CERT1: variants seen among roughly 807,000 people sequenced by gnomAD.
CERT1 encodes the protein ceramide transporter 1.
In CERT1, 31 loss-of-function variants were observed where a neutral mutation model predicts 87.9. The observed-to-expected ratio is 0.35, with a 90% confidence interval of 0.27 to 0.48. CERT1 has a LOEUF of 0.48. Among genes scored for constraint, CERT1 ranks in the 20% least tolerant of loss-of-function variants. The probability of loss-of-function intolerance (pLI) is 0.99; values close to 1 mark genes in which losing one functional copy is unlikely to be tolerated. For synonymous variants in CERT1, 289 were observed against 250.9 expected, an observed-to-expected ratio of 1.15 and a Z score of -1.44; for missense variants, 487 against 758.0, an observed-to-expected ratio of 0.64 and a Z score of 4.20.
intron 2 of CERT1, among the ~76,000 whole-genome samples, chr5:75,462,720 A>G (rs1361311535): frequency 6.6e-6 from 1 of 152,142 alleles, no homozygotes; most frequent in African/African-American, 2.4e-5. Context: ...TTAAAAAGTC[A>G]TGGATGGCCC....
chr5:75,424,509 T>C (rs1580750762), intron 5 of CERT1, among the ~76,000 whole-genome samples: 1 of 150,524 alleles, frequency 6.6e-6, no homozygotes, highest in Admixed American at 6.6e-5. Flanking sequence ...GAGCCGGAGG[T>C]TGCAGCGAGC....
At chr5:75,478,908 CTA>C (rs1491464698) in intron 2 of CERT1, among the ~76,000 whole-genome samples, 1 of 10,782 alleles carries the variant, frequency 9.3e-5, no homozygotes, top group Admixed American at 1.4e-3. Flanking sequence ...AAAGTAAGTA[CTA>C]AAAAAAAAAA....
At chr5:75,417,883 G>A (rs560786803) in intron 6 of CERT1, among the ~76,000 whole-genome samples, 57 of 152,346 alleles carry the variant, frequency 3.7e-4, no homozygotes, top group African/African-American at 1.2e-3. Context: ...CTGGCTGGGC[G>A]CGGTGGCTCA....
chr5:75,473,756 T>C (rs1765821520), intron 2 of CERT1, among the ~76,000 whole-genome samples: 1 of 152,202 alleles, frequency 6.6e-6, no homozygotes, highest in Non-Finnish European at 1.5e-5. Flanking sequence ...ATGATAACTA[T>C]GTGAGGTAAT....
intron 3 of CERT1, among the ~76,000 whole-genome samples, chr5:75,427,724 T>C (rs948635618): frequency 6.6e-6 from 1 of 152,248 alleles, no homozygotes; most frequent in Non-Finnish European, 1.5e-5. Context: ...CTCTGTACTA[T>C]TATGGTTCTA....
At position 75,440,504 on chromosome 5, in the gene CERT1, C is replaced by G. The variant is rs147022220; in HGVS notation, c.349-14026G>C. ...TAAAAACTAATATCAAATATAGCAA[C>G]TCATTTGAAGGTCATTTATGGGAGC... On this transcript the variant is annotated intron_variant, in intron 3 of 16. Transcript: ENST00000643780. 1.4e-3 allele frequency among the ~76,000 whole-genome samples: 209 copies of G among 152,160 alleles called. 2 individuals carry two copies. The highest frequency in any genetic ancestry group is 4.8e-3 in the African/African-American group (199 of 41,546).
chr5:75,447,850 A>T (rs1334680698), intron 3 of CERT1, among the ~76,000 whole-genome samples: 1 of 151,860 alleles, frequency 6.6e-6, no homozygotes, highest in African/African-American at 2.4e-5. Flanking sequence ...ATCATAGCTC[A>T]CTGTAGCCTC....
chr5:75,444,731 G>C (rs1414268703), intron 3 of CERT1, among the ~76,000 whole-genome samples: 1 of 151,890 alleles, frequency 6.6e-6, no homozygotes, highest in Admixed American at 6.6e-5. Flanking sequence ...ATTTTTAGTA[G>C]AGACTGGGTT....
At chr5:75,377,135 T>C (rs886320958), downstream of CERT1, 1 of 152,224 alleles carries the variant, frequency 6.6e-6, no homozygotes. Context: ...AGATTCTCAA[T>C]GGACTAAAGC....
chr5:75,398,719 A>G (rs1762353404), intron 11 of CERT1, among the ~76,000 whole-genome samples: 1 of 152,228 alleles, frequency 6.6e-6, no homozygotes. Flanking sequence ...CCTGTCTTAA[A>G]TTCCTAAACC....
intron 11 of CERT1, among the ~76,000 whole-genome samples, chr5:75,391,142 A>C (rs1762015577): frequency 6.6e-6 from 1 of 152,154 alleles, no homozygotes; most frequent in Non-Finnish European, 1.5e-5. Context: ...TTTTTTGTAG[A>C]GACAGGGTCT....
Position 75,511,163 on chromosome 5 carries a change from A to C in CERT1, c.45T>G (p.Asp15Glu). ...CAGGCGGCCCAGACTCCGTCTCTGGATCCTCCTCCGAGCCCGACGAGTTCC... is the reference window on the plus strand; with the variant it reads ...CAGGCGGCCCAGACTCCGTCTCTGGCTCCTCCTCCGAGCCCGACGAGTTCC... The part of the protein sequence containing the change: ...QSWNSSGSEE[D>E]PETESGPPVE... The change falls in exon 1 of 17, where the codon GAT (aspartate) becomes GAG (glutamate). Residue 15 changes from aspartate to glutamate, a missense_variant. Asp to Glu is a conservative substitution (Grantham distance 45, BLOSUM62 2). Around this residue, in one of 8 missense-constraint regions of CERT1, gnomAD observed 173 missense variants for 302.2 expected, o/e 0.57. Transcript: ENST00000643780. The C allele has an allele frequency of 6.2e-7, 1 of 1,611,872 alleles. No individual in the cohort carries two copies. Among genetic ancestry groups the C allele is most frequent in the Non-Finnish European group, 8.5e-7 (1 of 1,179,252 alleles).
intron 5 of CERT1, among the ~76,000 whole-genome samples, chr5:75,423,611 T>C (rs982452787): frequency 2.0e-5 from 3 of 152,130 alleles, no homozygotes; most frequent in Non-Finnish European, 4.4e-5. Context: ...TATGACGGTG[T>C]ATGCCTGTAG....
At chr5:75,451,024 T>A (rs965270723) in intron 3 of CERT1, among the ~76,000 whole-genome samples, 4 of 152,170 alleles carry the variant, frequency 2.6e-5, no homozygotes, top group Non-Finnish European at 5.9e-5. Context: ...CAGGAAAAAC[T>A]GACAAATATG....
chr5:75,460,861 G>C (rs192792755), intron 2 of CERT1, among the ~76,000 whole-genome samples: 135 of 152,226 alleles, frequency 8.9e-4, no homozygotes, highest in Middle Eastern at 3.4e-3. Flanking sequence ...ACTGATTAAA[G>C]GATTCAAGTT....
chr5:75,380,849 C>T (rs950990283), intron 16 of CERT1, among the ~76,000 whole-genome samples: 1 of 151,494 alleles, frequency 6.6e-6, no homozygotes, highest in African/African-American at 2.4e-5. Flanking sequence ...TTTTCCTATC[C>T]AGCTCTAGCT....
chr5:75,427,393 G>A (rs535727650), intron 3 of CERT1, among the ~76,000 whole-genome samples: 1 of 152,250 alleles, frequency 6.6e-6, no homozygotes, highest in East Asian at 1.9e-4. Context: ...GAGGTAAGGA[G>A]TCTGAGACCA....
intron 11 of CERT1, 41 bp from the exon 12 acceptor site, chr5:75,389,728 T>C (rs1761955412): frequency 6.2e-6 from 9 of 1,450,488 alleles, no homozygotes; most frequent in South Asian, 1.1e-5. Flanking sequence ...CCAAAAGGTA[T>C]GTCATAATCT....
At chr5:75,388,499 G>A (rs1761889070) in intron 12 of CERT1, among the ~76,000 whole-genome samples, 1 of 150,374 alleles carries the variant, frequency 6.7e-6, no homozygotes, top group African/African-American at 2.4e-5. Flanking sequence ...CAATCTAATT[G>A]TTTCAAATCA....
Sources: gnomAD v4.1 joint callset for allele counts (sites outside exome capture counted in the v4.1 genomes callset) on GRCh38, gnomAD v4.1.1 for gene constraint, gnomAD v4.1.1 regional missense constraint, MANE v1.5 for transcripts, NCBI Gene and HGNC (gene_info 2026-07-23, HGNC 2026-07-21) for gene names.